OPCML: variants seen among roughly 807,000 people sequenced by gnomAD.
The protein encoded by OPCML is opioid binding protein/cell adhesion molecule like, also known as opioid-binding protein/cell adhesion molecule.
In OPCML, 13 loss-of-function variants were observed where a neutral mutation model predicts 37.8. The observed-to-expected ratio is 0.34, with a 90% CI of 0.22 to 0.55. The LOEUF (loss-of-function observed/expected upper bound fraction) is 0.55. OPCML is among the 20% of genes least tolerant of loss of function. The probability of loss-of-function intolerance (pLI) is 0.91; values close to 1 mark genes in which losing one functional copy is unlikely to be tolerated. For missense variants in OPCML, 341 were observed against 435.6 expected (o/e 0.78, Z 1.93); for synonymous variants, 176 against 168.8 (o/e 1.04, Z -0.33).
chr11:133,075,533 G>A (rs1948608205), intron 1 of OPCML, among the ~76,000 whole-genome samples: 1 of 152,216 alleles, frequency 6.6e-6, no homozygotes, highest in South Asian at 2.1e-4. Flanking sequence ...CAGGGGCTCT[G>A]CTCTGAAGCC....
rs1207571552 is a variant in OPCML, at chr11:133,177,678, C to A, written c.62-234668G>T. ...AAAGGGCAAGACTTCTCAGAAGCATCCAGTGAAATCGCAGTAACAGTGGGT... is the reference window on the plus strand; with the variant it reads ...AAAGGGCAAGACTTCTCAGAAGCATACAGTGAAATCGCAGTAACAGTGGGT... On this transcript the variant is annotated intron_variant, in intron 1 of 7. Transcript: ENST00000524381. This position sits in a 1 kb window ranked among gnomAD's most constrained non-coding sequence, Gnocchi z 5.0. 3.3e-5 allele frequency among the ~76,000 whole-genome samples: 5 copies of A among 152,154 alleles called. No individual in the cohort carries two copies. The highest frequency in any genetic ancestry group is 4.8e-5 in the African/African-American group (2 of 41,428).
intron 1 of OPCML, among the ~76,000 whole-genome samples, chr11:133,237,566 G>T (rs530885214): frequency 1.3e-5 from 2 of 152,294 alleles, no homozygotes; most frequent in African/African-American, 4.8e-5. Flanking sequence ...ATTGCAAGAG[G>T]GAGGGTGTTA....
At chr11:133,470,776 G>A (rs752681759) in intron 1 of OPCML, among the ~76,000 whole-genome samples, 23 of 152,228 alleles carry the variant, frequency 1.5e-4, no homozygotes, top group Admixed American at 7.2e-4. Context: ...AAAGCAAACA[G>A]GGATGGGAAT....
At chr11:132,456,171 C>A (rs1207558761) in intron 4 of OPCML, among the ~76,000 whole-genome samples, 1 of 152,172 alleles carries the variant, frequency 6.6e-6, no homozygotes, top group Non-Finnish European at 1.5e-5. Context: ...AAACCTTTGG[C>A]ATTTTATGAA....
At chr11:133,182,321 G>T (rs1237250033) in intron 1 of OPCML, among the ~76,000 whole-genome samples, 2 of 152,148 alleles carry the variant, frequency 1.3e-5, no homozygotes, top group African/African-American at 4.8e-5. Context: ...TTTGGTGCTA[G>T]AAAAACATTG....
chr11:133,417,336 T>A (rs1945790651), intron 1 of OPCML, among the ~76,000 whole-genome samples: 1 of 152,154 alleles, frequency 6.6e-6, no homozygotes, highest in Admixed American at 6.5e-5. Flanking sequence ...CAATGTCTGG[T>A]CTTCCCAGCA....
intron 3 of OPCML, among the ~76,000 whole-genome samples, chr11:132,585,320 G>A (rs2096470306): frequency 6.6e-6 from 1 of 151,888 alleles, no homozygotes; most frequent in Non-Finnish European, 1.5e-5. Context: ...GGTTAATATA[G>A]GGTTATTTAA....
intron 1 of OPCML, among the ~76,000 whole-genome samples, chr11:133,094,888 T>C (rs1948973865): frequency 1.3e-5 from 2 of 152,118 alleles, no homozygotes; most frequent in African/African-American, 2.4e-5. Context: ...TACTGGGATA[T>C]AATATTAAAA....
chr11:133,320,689 T>G (rs1177840381), intron 1 of OPCML, among the ~76,000 whole-genome samples: 1 of 152,200 alleles, frequency 6.6e-6, no homozygotes, highest in Non-Finnish European at 1.5e-5. Flanking sequence ...ATTATGCTCT[T>G]CTCTGGAAAC....
intron 1 of OPCML, among the ~76,000 whole-genome samples, chr11:133,225,210 G>A (rs1156535539): frequency 6.6e-6 from 1 of 152,140 alleles, no homozygotes; most frequent in African/African-American, 2.4e-5. Context: ...ATATTCTTTG[G>A]TGCCAAGGTC....
chr11:133,321,991 A>G (rs1943340618), intron 1 of OPCML, among the ~76,000 whole-genome samples: 1 of 152,194 alleles, frequency 6.6e-6, no homozygotes, highest in South Asian at 2.1e-4. Context: ...ATTCAAGATT[A>G]CACATGTGGG....
chr11:133,241,785 C>T lies in OPCML; in HGVS notation c.61+290479G>A, dbSNP rs80151188. 6.7e-3 allele frequency among the ~76,000 whole-genome samples: 1,025 copies of T among 152,336 alleles called. 10 individuals carry two copies. Among genetic ancestry groups the T allele is most frequent in the African/African-American group, 0.022 (935 of 41,568 alleles). On this transcript the variant is annotated intron_variant, in intron 1 of 7. Transcript: ENST00000524381. ...CACCTTCATCTCCCATGGTTCACCA[C>T]CCACTGCGGGCCATCCTCAGAACCA...
Position 133,211,555 on chromosome 11 carries a change from G to T in OPCML, c.62-268545C>A, listed in dbSNP as rs1170152051. On this transcript the variant is annotated intron_variant, in intron 1 of 7. Transcript: ENST00000524381. The surrounding 1 kb of genome is among the most constrained non-coding windows in gnomAD (Gnocchi z 4.1). The stretch of plus-strand genomic sequence containing the variant: ...TTTGAAAACTTGAACACTTCCGAAG[G>T]TTCTGTAACTATGCTTTGGCATCAA... Among the ~76,000 whole-genome samples, 2 of 152,156 alleles carry T rather than the reference G, an allele frequency of 1.3e-5. No homozygotes were observed. The highest frequency in any genetic ancestry group is 2.4e-5 in the African/African-American group (1 of 41,440).
At chr11:133,501,113 C>G (rs1401585732) in intron 1 of OPCML, among the ~76,000 whole-genome samples, 1 of 152,172 alleles carries the variant, frequency 6.6e-6, no homozygotes, top group Admixed American at 6.5e-5. Context: ...GCTCCCACCA[C>G]CCACACTGTG....
intron 1 of OPCML, among the ~76,000 whole-genome samples, chr11:133,001,258 C>A (rs566960818): frequency 6.6e-6 from 1 of 152,024 alleles, no homozygotes; most frequent in Non-Finnish European, 1.5e-5. Context: ...TGTTTACTAC[C>A]CACATGCCTA....
rs569120500 is a variant in OPCML at position 133,526,621 on chromosome 11, C to A, written c.61+5643G>T. ...AATCCTTCCCTGAGCCATACAAATA[C>A]CACCATCTTGGGGTATCAAGTGAGT... is the stretch of plus-strand genomic sequence containing the variant. On this transcript the variant is annotated intron_variant, in intron 1 of 7. Coordinates refer to ENST00000524381, the MANE Select transcript of OPCML (RefSeq NM_001012393.5). Among the ~76,000 whole-genome samples, 183 of 152,296 alleles carry A rather than the reference C, an allele frequency of 1.2e-3. 1 individual carries two copies. The highest frequency in any genetic ancestry group is 4.1e-3 in the African/African-American group (171 of 41,562).
intron 1 of OPCML, among the ~76,000 whole-genome samples, chr11:133,506,086 AT>A (rs1423244559): frequency 1.3e-5 from 2 of 152,142 alleles, no homozygotes; most frequent in East Asian, 3.9e-4. Context: ...ATTTCTTCCT[AT>A]TTTCTAAATG....
chr11:133,229,686 G>A (rs190319180), intron 1 of OPCML, among the ~76,000 whole-genome samples: 1 of 152,290 alleles, frequency 6.6e-6, no homozygotes, highest in Admixed American at 6.5e-5. Context: ...CATAGTATAT[G>A]CAGGATTTGG....
chr11:132,763,297 A>G (rs1382821620), intron 2 of OPCML, among the ~76,000 whole-genome samples: 3 of 152,046 alleles, frequency 2.0e-5, no homozygotes, highest in African/African-American at 7.3e-5. Flanking sequence ...AGGCCTTTAC[A>G]TTGATTAAGT....
Sources: allele counts gnomAD v4.1 joint callset (sites outside exome capture counted in the v4.1 genomes callset), GRCh38; gene constraint gnomAD v4.1.1; non-coding constraint Gnocchi (gnomAD v3.1); transcripts MANE v1.5; gene names NCBI Gene and HGNC (gene_info 2026-07-23, HGNC 2026-07-21).